Variants in MYOM3 observed in about 807,000 individuals in gnomAD.
The protein encoded by MYOM3 is myomesin-3.
A neutral mutation model predicts 191.7 loss-of-function variants in MYOM3; 155 were observed. The observed-to-expected ratio is 0.81, with a 90% CI of 0.71 to 0.92. MYOM3 has a LOEUF of 0.92. Ranked by LOEUF, MYOM3 falls within the 40% of genes least tolerant of loss-of-function variation. The pLI is 0.00. For missense variants in MYOM3, 1,889 were observed against 1,890.6 expected, an observed-to-expected ratio of 1.00 and a Z score of 0.02; for synonymous variants, 757 against 762.9, an observed-to-expected ratio of 0.99 and a Z score of 0.13.
intron 20 of MYOM3, among the ~76,000 whole-genome samples, chr1:24,077,319 A>C (rs549497338): frequency 6.6e-6 from 1 of 152,266 alleles, no homozygotes; most frequent in African/African-American, 2.4e-5. Flanking sequence ...TTCAGGGTCA[A>C]GTTCAAATTT....
chr1:24,073,598 C>T (rs1456832998), intron 23 of MYOM3, among the ~76,000 whole-genome samples: 1 of 152,180 alleles, frequency 6.6e-6, no homozygotes, highest in Non-Finnish European at 1.5e-5. Flanking sequence ...GGCACAGTGG[C>T]TCACGCCTGT....
At chr1:24,107,947 T>C (rs1440216142) in intron 3 of MYOM3, 46 bp downstream of exon 3, 16 of 1,543,130 alleles carry the variant, frequency 1.0e-5, no homozygotes, top group African/African-American at 2.7e-5. Context: ...CTGGACAGGA[T>C]GGCCCCTCCT....
intron 36 of MYOM3, 51 bp downstream of exon 36, chr1:24,058,873 C>T (rs767921528): frequency 1.3e-5 from 18 of 1,383,158 alleles, no homozygotes; most frequent in Middle Eastern, 1.8e-4. Context: ...GGTGGATGCA[C>T]GAAGGAACAC....
At position 24,058,920 on chromosome 1, in the gene MYOM3, G is replaced by C. The variant is rs1308932062; in HGVS notation, c.4050+4C>G. ...GCTGGCTGTGGGCTGGGAAGGGTCAGTACCTTATCTTCCATGATAGTGGCC... is the reference window on the plus strand; with the variant it reads ...GCTGGCTGTGGGCTGGGAAGGGTCACTACCTTATCTTCCATGATAGTGGCC... On this transcript the variant is annotated splice_donor_region_variant and intron_variant, in intron 36 of 36. Transcript: ENST00000374434. The C allele has an allele frequency of 6.2e-7, 1 of 1,607,626 alleles. No homozygotes were observed. The highest frequency in any genetic ancestry group is 8.5e-7 in the Non-Finnish European group (1 of 1,176,592).
At position 24,088,517 on chromosome 1, in the gene MYOM3, A is replaced by T. The variant is rs147100396; in HGVS notation, c.1614+1021T>A. On this transcript the variant is annotated intron_variant, in intron 14 of 36. Transcript: ENST00000374434. The stretch of plus-strand genomic sequence containing the variant: ...GCAGAGATAGAATTTGAACCCAAGC[A>T]GTCTGACGCCAACATCTTCACCATG... Among the ~76,000 whole-genome samples, 655 of 152,328 alleles carry T rather than the reference A, an allele frequency of 4.3e-3. 1 individual carries two copies. The highest frequency in any genetic ancestry group is 7.2e-3 in the Non-Finnish European group (489 of 68,024).
At position 24,057,398 on chromosome 1, in the gene MYOM3, T is replaced by C; in HGVS notation, c.4280A>G (p.His1427Arg). The C allele has an allele frequency of 6.2e-7, 1 of 1,614,034 alleles. No individual in the cohort carries two copies. Among genetic ancestry groups the C allele is most frequent in the Non-Finnish European group, 8.5e-7 (1 of 1,180,032 alleles). ...CTTCAGCTCCTTGGGCTCGTCCCCG[T>C]GCTTGAACACACTGATGGTGACCTG... ...TGQVTISVFKHGDEPKELKSM is the reference protein window; with the variant it reads ...TGQVTISVFKRGDEPKELKSM The change falls in exon 37 of 37, where the codon CAC (histidine) becomes CGC (arginine). Residue 1427 changes from histidine to arginine, a missense_variant. His to Arg is a conservative substitution (Grantham distance 29). Transcript: ENST00000374434.
Position 24,107,632 on chromosome 1 carries a change from C to T in MYOM3, c.242+361G>A, listed in dbSNP as rs369867104. Among the ~76,000 whole-genome samples, 12 of 152,344 alleles carry T rather than the reference C, an allele frequency of 7.9e-5. No individual in the cohort carries two copies. The East Asian group carries it at 1.7e-3, about 22-fold the overall frequency. On this transcript the variant is annotated intron_variant, in intron 3 of 36. Transcript: ENST00000374434. ...CGCTGCCTCTCCACGCCGGCACACT[C>T]AGAGGCCTCCTCAGTCTCTGGCCTT...
At chr1:24,059,266 C>T (rs924100036) in intron 35 of MYOM3, among the ~76,000 whole-genome samples, 1 of 152,188 alleles carries the variant, frequency 6.6e-6, no homozygotes, top group Non-Finnish European at 1.5e-5. Context: ...TCCTGAGCAG[C>T]TGGGACTATA....
chr1:24,083,481 C>A, intron 16 of MYOM3: 1 of 152,812 alleles, frequency 6.5e-6, no homozygotes, highest in South Asian at 1.9e-4. Context: ...CTTCCTCGCT[C>A]CTCAGCTTGC....
intron 18 of MYOM3, chr1:24,081,746 C>T (rs1012902052): frequency 1.2e-5 from 7 of 586,570 alleles, no homozygotes; most frequent in Admixed American, 6.4e-5. Context: ...TATTTTTTGT[C>T]AAGACAGGGT....
At chr1:24,060,439 G>C (rs1643356766) in intron 35 of MYOM3, among the ~76,000 whole-genome samples, 1 of 152,204 alleles carries the variant, frequency 6.6e-6, no homozygotes, top group South Asian at 2.1e-4. Context: ...TCTGTTCTTA[G>C]AGCTGTGCTG....
chr1:24,090,144 G>C lies in MYOM3; in HGVS notation c.1433-26C>G, dbSNP rs772634553. On this transcript the variant is annotated intron_variant, in intron 12 of 36. Transcript: ENST00000374434. Reference sequence around the variant, plus strand: ...CTAGGATGAGAAGGGAGCATGGGAGGGTGGGGGGTGGCACAGGAGGAGTTA... The same window carrying C: ...CTAGGATGAGAAGGGAGCATGGGAGCGTGGGGGGTGGCACAGGAGGAGTTA... 3.1e-6 allele frequency: 5 copies of C among 1,589,364 alleles called. No homozygotes were observed. In the African/African-American group the frequency reaches 5.4e-5, roughly 17 times the overall value.
chr1:24,099,695 G>T lies in MYOM3; in HGVS notation c.641C>A (p.Ser214Tyr). The T allele has an allele frequency of 6.2e-7, 1 of 1,613,790 alleles. No homozygotes were observed. The highest frequency in any genetic ancestry group is 8.5e-7 in the Non-Finnish European group (1 of 1,179,776). The change falls in exon 6 of 37, where the codon TCC becomes TAC. Residue 214 changes from serine (S) to tyrosine (Y), a missense_variant. By Grantham distance (144) the Ser-to-Tyr change is moderately radical. Transcript: ENST00000374434. ...CCAGTCTCACCTCCTAATCTCCAGG[G>T]ACAGCAGCCCGTAGTTGTTGGTGAT... ...YRITNNYGLL[S>Y]LEIRRCAIED...
Position 24,071,191 on chromosome 1 carries a change from G to A in MYOM3, c.3076C>T (p.Leu1026=), listed in dbSNP as rs371524516. The change falls in exon 25 of 37, where the codon CTG becomes TTG. Residue 1026 remains leucine (L), a synonymous_variant. Transcript: ENST00000374434. Reference sequence around the variant, plus strand: ...GCTGGAGATAACTTTTCTACTTCCAGCCAAAGCCGCACCTCCCCTCGCTCC... The same window carrying A: ...GCTGGAGATAACTTTTCTACTTCCAACCAAAGCCGCACCTCCCCTCGCTCC... ...ILERGEVRLW[L]EVEKLSPAAE... The A allele has an allele frequency of 5.0e-5, 81 of 1,614,076 alleles. No individual in the cohort carries two copies. The East Asian group carries it at 1.1e-3, about 22-fold the overall frequency.
intron 11 of MYOM3, among the ~76,000 whole-genome samples, chr1:24,091,494 C>G (rs912733910): frequency 2.0e-5 from 3 of 152,192 alleles, no homozygotes; most frequent in African/African-American, 7.2e-5. Flanking sequence ...GCACGTTACC[C>G]TTATTGTTAC....
In MYOM3 at chr1:24,083,408, G is replaced by A. The variant is rs188436003; in HGVS notation, c.1971-694C>T. The A allele has an allele frequency of 2.2e-4, 34 of 152,696 alleles. 1 individual carries two copies. Among genetic ancestry groups the A allele is most frequent in the Middle Eastern group, 6.8e-3 (2 of 294 alleles). 9.5% of individuals were successfully genotyped at this position (152,696 alleles called of 1,614,324 possible). ...GTTTGCCAGGAGCTCTCAGGCCTTC[G>A]GCCACAAACTGAAGGCTGCACTGTT... On this transcript the variant is annotated intron_variant, in intron 16 of 36. Transcript: ENST00000374434.
At chr1:24,108,713 A>G (rs747510019) in intron 1 of MYOM3, 59 bp from the exon 2 acceptor site, 56 of 1,323,780 alleles carry the variant, frequency 4.2e-5, no homozygotes, top group Middle Eastern at 3.7e-4. Flanking sequence ...CCTCCCATGC[A>G]GTCTTCCCAA....
chr1:24,090,611 A>T (rs575890299), intron 12 of MYOM3, among the ~76,000 whole-genome samples, 186 bp downstream of exon 12: 199 of 152,026 alleles, frequency 1.3e-3, no homozygotes, highest in Non-Finnish European at 2.3e-3. Context: ...TGTCTCCTCC[A>T]TCAGACTGGA....
At position 24,080,014 on chromosome 1, in the gene MYOM3, A is replaced by C. The variant is rs1326575399; in HGVS notation, c.2586+2T>G. The C allele has an allele frequency of 6.2e-7, 1 of 1,607,826 alleles. No individual in the cohort carries two copies. The highest frequency in any genetic ancestry group is 8.5e-7 in the Non-Finnish European group (1 of 1,177,128). The stretch of plus-strand genomic sequence containing the variant: ...TCAGAAGATGAAGGCATAAGAACTT[A>C]CCCTCAGGTGGGTGCCAGAGATGGG... On this transcript the variant is annotated splice_donor_variant, in intron 20 of 36. Coordinates refer to ENST00000374434, the MANE Select transcript of MYOM3 (RefSeq NM_152372.4). LOFTEE classifies it high-confidence loss of function.
Sources: allele counts gnomAD v4.1 joint callset (sites outside exome capture counted in the v4.1 genomes callset), GRCh38; gene constraint gnomAD v4.1.1; transcripts MANE v1.5; gene names NCBI Gene and HGNC (gene_info 2026-07-23, HGNC 2026-07-21).